The following PDE4B variants were observed in gnomAD, a reference collection of about 807,000 sequenced individuals.
The protein encoded by PDE4B is 3',5'-cyclic-AMP phosphodiesterase 4B.
Under a neutral mutation model 82.2 loss-of-function variants are expected in PDE4B, and 20 were observed. That is an observed-to-expected ratio of 0.24 (90% CI 0.17 to 0.35). PDE4B has a LOEUF of 0.35. PDE4B is among the 10% of genes least tolerant of loss of function. The pLI is 1.00. For synonymous variants in PDE4B, 320 were observed against 318.9 expected, an observed-to-expected ratio of 1.00 and a Z score of -0.04; for missense variants, 655 against 907.2, an observed-to-expected ratio of 0.72 and a Z score of 3.57.
chr1:66,168,618 T>C lies in PDE4B; in HGVS notation c.282-78842T>C, dbSNP rs146581371. On this transcript the variant is annotated intron_variant, in intron 3 of 16. Transcript: ENST00000341517. Reference sequence around the variant, plus strand: ...AGGAATGAGGACCGTACCTACCGTCTTGGAGACCGTTGTAAGAACTTTGGC... The same window carrying C: ...AGGAATGAGGACCGTACCTACCGTCCTGGAGACCGTTGTAAGAACTTTGGC... 7.9e-5 allele frequency among the ~76,000 whole-genome samples: 12 copies of C among 152,276 alleles called. No individual in the cohort carries two copies. In the East Asian group the frequency reaches 2.3e-3, roughly 29 times the overall value.
chr1:66,145,235 T>G (rs1312840357), intron 3 of PDE4B, among the ~76,000 whole-genome samples: 8 of 152,168 alleles, frequency 5.3e-5, no homozygotes, highest in Admixed American at 2.6e-4. Context: ...TCTGGGAGGC[T>G]GTGTATCACT....
intron 1 of PDE4B, among the ~76,000 whole-genome samples, chr1:65,808,015 G>T (rs1488980101): frequency 6.6e-6 from 1 of 152,064 alleles, no homozygotes; most frequent in African/African-American, 2.4e-5. Context: ...TAGTGTCTGC[G>T]TGAATACAGA....
intron 1 of PDE4B, among the ~76,000 whole-genome samples, chr1:65,907,223 G>A (rs11208766): frequency 0.47 from 72,070 of 151,958 alleles, 17,482 homozygotes; most frequent in South Asian, 0.66. Flanking sequence ...ACTGAGTGCA[G>A]TAGTCCTGAA....
At chr1:65,933,969 G>A (rs968392941) in intron 3 of PDE4B, among the ~76,000 whole-genome samples, 2 of 152,150 alleles carry the variant, frequency 1.3e-5, no homozygotes, top group African/African-American at 2.4e-5. Flanking sequence ...ATAACATAGT[G>A]TGTGATGGGA....
chr1:66,103,733 CT>C (rs796636306), intron 3 of PDE4B, among the ~76,000 whole-genome samples: 37 of 152,162 alleles, frequency 2.4e-4, no homozygotes, highest in African/African-American at 8.2e-4. Context: ...AGATTTCCCC[CT>C]GTGCAATCTG....
chr1:65,884,630 A>G (rs1031980068), intron 1 of PDE4B, among the ~76,000 whole-genome samples: 22 of 152,326 alleles, frequency 1.4e-4, no homozygotes, highest in Non-Finnish European at 2.2e-4. Flanking sequence ...TATTTAATAA[A>G]TGGTGCTGGG....
At chr1:66,030,024 TA>T (rs1269672230) in intron 3 of PDE4B, among the ~76,000 whole-genome samples, 10 of 128,988 alleles carry the variant, frequency 7.8e-5, no homozygotes, top group Non-Finnish European at 1.4e-4. Context: ...CTTCAATGCC[TA>T]ATCTGTTGAG....
At chr1:66,159,554 T>G (rs1646568779) in intron 3 of PDE4B, among the ~76,000 whole-genome samples, 1 of 152,108 alleles carries the variant, frequency 6.6e-6, no homozygotes, top group African/African-American at 2.4e-5. Flanking sequence ...ATAAAACTTT[T>G]TTAAAAAGGA....
intron 2 of PDE4B, among the ~76,000 whole-genome samples, chr1:65,916,142 A>T (rs1647157287): frequency 6.6e-6 from 1 of 152,208 alleles, no homozygotes; most frequent in Non-Finnish European, 1.5e-5. Context: ...AAACAATATT[A>T]AGTTTTCATC....
intron 7 of PDE4B, among the ~76,000 whole-genome samples, chr1:66,293,310 T>C (rs1657247089): frequency 6.6e-6 from 1 of 151,728 alleles, no homozygotes; most frequent in Admixed American, 6.6e-5. Flanking sequence ...GAAGGGCAAA[T>C]TCTGAAATCC....
intron 3 of PDE4B, among the ~76,000 whole-genome samples, chr1:65,948,570 A>T: frequency 6.6e-6 from 1 of 152,074 alleles, no homozygotes; most frequent in African/African-American, 2.4e-5. Flanking sequence ...TGCCCATCCA[A>T]TTAAGATTGG....
chr1:66,222,183 A>G (rs1427294068), intron 3 of PDE4B, among the ~76,000 whole-genome samples: 2 of 152,176 alleles, frequency 1.3e-5, no homozygotes, highest in Non-Finnish European at 2.9e-5. Context: ...AAGGAGTAAA[A>G]GCAGAAAGGC....
At chr1:65,939,033 A>G (rs1648303983) in intron 3 of PDE4B, among the ~76,000 whole-genome samples, 1 of 152,168 alleles carries the variant, frequency 6.6e-6, no homozygotes, top group African/African-American at 2.4e-5. Flanking sequence ...TCAGGACAAA[A>G]GCAGTGAGAA....
At chr1:66,030,037 G>T (rs1482446469) in intron 3 of PDE4B, among the ~76,000 whole-genome samples, 10 of 144,364 alleles carry the variant, frequency 6.9e-5, no homozygotes, top group Admixed American at 1.4e-4. Context: ...TCTGTTGAGG[G>T]TTTTTTTTTT....
intron 9 of PDE4B, among the ~76,000 whole-genome samples, chr1:66,358,261 A>G (rs1662426363): frequency 6.6e-6 from 1 of 152,252 alleles, no homozygotes; most frequent in African/African-American, 2.4e-5. Context: ...TAACGAGGAA[A>G]GAAGGCTGTT....
intron 3 of PDE4B, among the ~76,000 whole-genome samples, chr1:66,212,079 A>G (rs968796736): frequency 2.0e-5 from 3 of 152,228 alleles, no homozygotes; most frequent in Admixed American, 6.5e-5. Flanking sequence ...TACCAAGCCT[A>G]TGAACAAACT....
At chr1:65,992,721 C>G in intron 3 of PDE4B, 2 of 1,347,496 alleles carry the variant, frequency 1.5e-6, no homozygotes, top group Non-Finnish European at 1.9e-6. Flanking sequence ...CTCCTTGTGA[C>G]AGCCTGACTT....
At chr1:65,995,535 T>C (rs1204662935) in intron 3 of PDE4B, among the ~76,000 whole-genome samples, 4 of 152,326 alleles carry the variant, frequency 2.6e-5, no homozygotes, top group East Asian at 3.9e-4. Flanking sequence ...TGGCTCTGTA[T>C]GGTCTGCTCT....
intron 3 of PDE4B, among the ~76,000 whole-genome samples, chr1:66,024,983 A>G (rs1489067965): frequency 2.0e-5 from 3 of 152,118 alleles, no homozygotes; most frequent in East Asian, 3.9e-4. Flanking sequence ...AAGATTTAAC[A>G]TAAGTATATA....
Sources: allele counts gnomAD v4.1 joint callset (sites outside exome capture counted in the v4.1 genomes callset), GRCh38; gene constraint gnomAD v4.1.1; transcripts MANE v1.5; gene names NCBI Gene and HGNC (gene_info 2026-07-23, HGNC 2026-07-21).